The following EIF3B variants were observed in gnomAD, a reference collection of about 807,000 sequenced individuals.
The protein encoded by EIF3B is eukaryotic translation initiation factor 3 subunit 9.
EIF3B carries 10 observed loss-of-function variants against 104.6 expected under a neutral mutation model. That is an observed-to-expected ratio of 0.10 (90% CI 0.06 to 0.16). The LOEUF is 0.16. Among genes scored for constraint, EIF3B ranks in the 10% least tolerant of loss-of-function variants. The pLI, the probability that EIF3B is intolerant of heterozygous loss-of-function variation, is 1.00. For synonymous variants in EIF3B, 542 were observed against 417.2 expected (o/e 1.30, Z -3.65); for missense variants, 1,014 against 1,087.9 (o/e 0.93, Z 0.96).
At chr7:2,370,338 G>A (rs1457600791) in intron 10 of EIF3B, among the ~76,000 whole-genome samples, 2 of 151,942 alleles carry the variant, frequency 1.3e-5, no homozygotes, top group African/African-American at 4.8e-5. Context: ...TTAGCTGGGC[G>A]TGGTGGGAGG....
intron 18 of EIF3B, chr7:2,379,869 C>T (rs756930416): frequency 2.7e-5 from 8 of 298,782 alleles, no homozygotes; most frequent in South Asian, 9.6e-5. Context: ...CTGGCGTGCA[C>T]GGCTGTGACT....
At position 2,355,161 on chromosome 7, in the gene EIF3B, G is replaced by T. The variant is rs768702594; in HGVS notation, c.240G>T (p.Pro80=). Residue 80 remains proline (P), a synonymous_variant, in exon 1 of 19, where the codon CCG becomes CCT. Transcript: ENST00000360876. ...CCGAGGCAGAGGCGGCCTCCGGCCC[G>T]TCCGAGTCGCCCTCGCCGCCGGCCG... ...PAAEAEAASG[P]SESPSPPAAE... 2.1e-6 allele frequency: 3 copies of T among 1,453,078 alleles called. No individual in the cohort carries two copies. The allele number at this position is 1,453,078 out of a possible 1,614,324, so 90.0% of individuals were successfully genotyped here. A position where few individuals can be genotyped will look rare whatever the true frequency, so the allele number is the denominator to read the frequency against.
intron 16 of EIF3B, 174 bp downstream of exon 16, chr7:2,378,940 G>C (rs1456483573): frequency 4.0e-6 from 3 of 747,850 alleles, no homozygotes; most frequent in African/African-American, 3.5e-5. Flanking sequence ...CGGGGACTTG[G>C]AGTTGGTGAC....
chr7:2,376,731 G>T (rs1054943977), intron 14 of EIF3B: 2 of 569,810 alleles, frequency 3.5e-6, no homozygotes, highest in African/African-American at 3.9e-5. Context: ...TGTGATGAGC[G>T]CTGCTCCAGC....
Position 2,380,252 on chromosome 7 carries a change from G to GTGTGAGCCGCGGTTCC in EIF3B, c.*65_*80dup, listed in dbSNP as rs1780928330. The GTGTGAGCCGCGGTTCC allele has an allele frequency of 2.1e-6, 1 of 479,760 alleles. No individual in the cohort carries two copies. Among genetic ancestry groups the GTGTGAGCCGCGGTTCC allele is most frequent in the Non-Finnish European group, 4.2e-6 (1 of 240,528 alleles). The allele number at this position is 479,760 out of a possible 1,614,324, so 29.7% of individuals were successfully genotyped here. The stretch of plus-strand genomic sequence containing the variant: ...CCGCGCTGAGCTACAGGACTCCCGA[G>GTGTGAGCCGCGGTTCC]TGTGAGCCGCGGTTCCTCTGTTGCA... On this transcript the variant is annotated 3_prime_UTR_variant, in exon 19 of 19. Transcript: ENST00000360876.
At chr7:2,357,470 G>A (rs1046779655) in intron 1 of EIF3B, among the ~76,000 whole-genome samples, 1 of 152,210 alleles carries the variant, frequency 6.6e-6, no homozygotes, top group African/African-American at 2.4e-5. Flanking sequence ...TTCCAGAAGG[G>A]CCAAGTCTTC....
intron 10 of EIF3B, 70 bp from the exon 11 acceptor site, chr7:2,371,707 C>A: frequency 8.1e-7 from 1 of 1,230,116 alleles, no homozygotes; most frequent in Non-Finnish European, 1.2e-6. Flanking sequence ...TGACGTTGAT[C>A]TTTGATTTAA....
rs1562477181 is a variant in EIF3B at position 2,360,916 on chromosome 7, T to A, written c.692+14T>A. 3 of 1,586,306 alleles carry A rather than the reference T, an allele frequency of 1.9e-6. No homozygotes were observed. The highest frequency in any genetic ancestry group is 2.6e-6 in the Non-Finnish European group (3 of 1,156,474). On this transcript the variant is annotated intron_variant, in intron 2 of 18. Coordinates refer to ENST00000360876, the MANE Select transcript of EIF3B (RefSeq NM_001037283.2). ...GAAGACAAAAGGGTGAGTGTTCTCC[T>A]GTTGGAGAAGTATCATCTGTGTCTG...
Position 2,363,078 on chromosome 7 carries a change from C to G in EIF3B, c.821C>G (p.Thr274Arg). 1 of 1,613,994 alleles carries G rather than the reference C, an allele frequency of 6.2e-7. No individual in the cohort carries two copies. The highest frequency in any genetic ancestry group is 8.5e-7 in the Non-Finnish European group (1 of 1,179,998). Residue 274 changes from threonine (T) to arginine (R), a missense_variant, in exon 4 of 19, where the codon ACG (threonine) becomes AGG (arginine). Thr to Arg is a moderately conservative substitution (Grantham distance 71, BLOSUM62 -1). Transcript: ENST00000360876. ...NLFTDFDKYM[T>R]ISDEWDIPEK... ...TCTCCTTTCTTCTCCAGGTATATGA[C>G]GATCAGTGACGAGTGGGATATTCCA...
intron 10 of EIF3B, among the ~76,000 whole-genome samples, chr7:2,370,960 G>A (rs985156279): frequency 3.3e-5 from 5 of 152,122 alleles, no homozygotes; most frequent in African/African-American, 1.2e-4. Context: ...CTACTCGGGA[G>A]GCTGAGGCAG....
intron 1 of EIF3B, among the ~76,000 whole-genome samples, 181 bp from the exon 2 acceptor site, chr7:2,360,523 GAGTTCC>G (rs1186471862): frequency 1.3e-5 from 2 of 152,118 alleles, no homozygotes; most frequent in Non-Finnish European, 2.9e-5. Context: ...GGAGAGAGGA[GAGTTCC>G]AGTCCCCCCA....
chr7:2,376,143 C>T (rs563229628), intron 14 of EIF3B: 82 of 154,004 alleles, frequency 5.3e-4, no homozygotes, highest in Non-Finnish European at 9.0e-4. Context: ...ATATGTTGAT[C>T]ACAGCCTGTG....
intron 14 of EIF3B, 87 bp from the exon 15 acceptor site, chr7:2,376,863 A>G: frequency 6.5e-7 from 1 of 1,540,472 alleles, no homozygotes; most frequent in Admixed American, 1.9e-5. Flanking sequence ...TGTCCCCGAT[A>G]CCCAGGACCT....
At position 2,362,778 on chromosome 7, in the gene EIF3B, T is replaced by C; in HGVS notation, c.812+14T>C. 3.7e-6 allele frequency: 6 copies of C among 1,614,014 alleles called. No homozygotes were observed. The highest frequency in any genetic ancestry group is 5.1e-6 in the Non-Finnish European group (6 of 1,179,954). Reference sequence around the variant, plus strand: ...GGATTTTGACAAGTGAGTTCAGACTTGGCCACAAGGAAGTGGACGTTGACG... The same window carrying C: ...GGATTTTGACAAGTGAGTTCAGACTCGGCCACAAGGAAGTGGACGTTGACG... On this transcript the variant is annotated intron_variant, in intron 3 of 18. Transcript: ENST00000360876.
At chr7:2,354,628 T>A (rs79198458), upstream of EIF3B, among the ~76,000 whole-genome samples, 179 of 152,306 alleles carry the variant, frequency 1.2e-3, 4 homozygotes, top group South Asian at 0.019. Flanking sequence ...GGGTGGTCAA[T>A]GCTCCCATGA....
At chr7:2,372,086 A>C in intron 11 of EIF3B, 3 of 484,562 alleles carry the variant, frequency 6.2e-6, no homozygotes, top group Non-Finnish European at 1.1e-5. Context: ...GCGCACCGAT[A>C]GTCCCAGCTG....
Position 2,354,888 on chromosome 7 carries a change from CCGCGGAGCCCTGCGAGTAG to C in EIF3B, c.-33_-15del, listed in dbSNP as rs1308850663. 1 of 1,160,428 alleles carries C rather than the reference CCGCGGAGCCCTGCGAGTAG, an allele frequency of 8.6e-7. No homozygotes were observed. The highest frequency in any genetic ancestry group is 1.1e-6 in the Non-Finnish European group (1 of 943,810). The allele number at this position is 1,160,428 out of a possible 1,614,324, so 71.9% of individuals were successfully genotyped here. A position where few individuals can be genotyped will look rare whatever the true frequency, so the allele number is the denominator to read the frequency against. On this transcript the variant is annotated 5_prime_UTR_variant, in exon 1 of 19. Coordinates refer to ENST00000360876, the MANE Select transcript of EIF3B (RefSeq NM_001037283.2). ...CCTGGGAGAGTCGGAAGCGCGGCGG[CCGCGGAGCCCTGCGAGTAG>C]GCAGCGTTGGGCCCATGCAGGACGC...
intron 13 of EIF3B, chr7:2,375,173 A>C: frequency 3.7e-6 from 2 of 541,920 alleles, no homozygotes; most frequent in South Asian, 5.5e-5. Flanking sequence ...TCCAGTAAAA[A>C]TAATATGATG....
In EIF3B at chr7:2,378,369, G is replaced by GGC. The variant is rs1326233737; in HGVS notation, c.2155-318_2155-317dup. 4.4e-4 allele frequency: 132 copies of GGC among 300,564 alleles called. 1 individual carries two copies. The highest frequency in any genetic ancestry group is 2.3e-3 in the African/African-American group (73 of 32,272). The allele number at this position is 300,564 out of a possible 1,614,324, so 18.6% of individuals were successfully genotyped here. A position where few individuals can be genotyped will look rare whatever the true frequency, so the allele number is the denominator to read the frequency against. ...CCTTGGTGTCATGGAGGAAGGAACA[G>GGC]GCGAGCGCTCCTGGGATGCTGTGTT... On this transcript the variant is annotated intron_variant, in intron 15 of 18. Coordinates refer to ENST00000360876, the MANE Select transcript of EIF3B (RefSeq NM_001037283.2).
Sources: allele counts gnomAD v4.1 joint callset (sites outside exome capture counted in the v4.1 genomes callset), GRCh38; gene constraint gnomAD v4.1.1; transcripts MANE v1.5; gene names NCBI Gene and HGNC (gene_info 2026-07-23, HGNC 2026-07-21).